LOC400499: variants seen among roughly 807,000 people sequenced by gnomAD.
the LOC400499 span, among the ~76,000 whole-genome samples, chr16:11,466,909 C>T: frequency 1.4e-5 from 2 of 141,896 alleles, no homozygotes; most frequent in African/African-American, 2.5e-5. Context: ...GGTGTACGTA[C>T]GTATATGTGT....
the LOC400499 span, among the ~76,000 whole-genome samples, chr16:11,397,292 T>A: frequency 6.6e-6 from 1 of 152,182 alleles, no homozygotes; most frequent in African/African-American, 2.4e-5. Flanking sequence ...CTTTTTATTT[T>A]GAGACAGAGT....
At chr16:11,383,823 G>A in the LOC400499 span, 64 of 1,232,320 alleles carry the variant, frequency 5.2e-5, no homozygotes, top group African/African-American at 8.1e-4. Flanking sequence ...ACACCCTGAG[G>A]AGGGACCTAA....
the LOC400499 span, among the ~76,000 whole-genome samples, chr16:11,389,178 GC>G: frequency 6.6e-6 from 1 of 152,174 alleles, no homozygotes; most frequent in Non-Finnish European, 1.5e-5. Context: ...TGGCCCCGTG[GC>G]TCTTGCTGAA....
At chr16:11,399,728 C>T in the LOC400499 span, 5 of 398,714 alleles carry the variant, frequency 1.3e-5, no homozygotes, top group Admixed American at 4.4e-5. Flanking sequence ...GCCAGGCAGC[C>T]GTCCCAGGCG....
At chr16:11,385,368 C>A in the LOC400499 span, 1 of 1,232,286 alleles carries the variant, frequency 8.1e-7, no homozygotes, top group Non-Finnish European at 1.0e-6. Context: ...GTCCCATACC[C>A]GGCCGTCGAA....
At chr16:11,380,406 C>G in the LOC400499 span, among the ~76,000 whole-genome samples, 1 of 152,038 alleles carries the variant, frequency 6.6e-6, no homozygotes, top group Admixed American at 6.6e-5. Flanking sequence ...ATGGTGAAAC[C>G]TCGTCTCTAC....
At chr16:11,424,554 G>A in the LOC400499 span, among the ~76,000 whole-genome samples, 1 of 152,216 alleles carries the variant, frequency 6.6e-6, no homozygotes, top group Non-Finnish European at 1.5e-5. Context: ...CACAGAAATG[G>A]CGATTTCATC....
At chr16:11,460,356 C>G in the LOC400499 span, 2 of 1,218,922 alleles carry the variant, frequency 1.6e-6, no homozygotes, top group African/African-American at 3.1e-5. Context: ...GGATCCATTC[C>G]CATATGGCTA....
chr16:11,502,807 G>C, the LOC400499 span, among the ~76,000 whole-genome samples: 2 of 151,076 alleles, frequency 1.3e-5, no homozygotes, highest in African/African-American at 2.4e-5. Context: ...GTAGAGAAGA[G>C]GTTTCACCAT....
chr16:11,391,658 A>C, the LOC400499 span: 1 of 1,232,046 alleles, frequency 8.1e-7, no homozygotes, highest in Non-Finnish European at 1.0e-6. Flanking sequence ...TCCCCCTCCC[A>C]CACTTACATT....
chr16:11,450,629 C>T, the LOC400499 span: 162 of 1,535,866 alleles, frequency 1.1e-4, no homozygotes, highest in Non-Finnish European at 1.3e-4. Flanking sequence ...GTGGTAGCTG[C>T]GGTGTAAACC....
chr16:11,394,181 G>A, the LOC400499 span, among the ~76,000 whole-genome samples: 2 of 152,230 alleles, frequency 1.3e-5, no homozygotes, highest in African/African-American at 4.8e-5. Flanking sequence ...TAAGCAAGGA[G>A]ACACGGGCAC....
chr16:11,505,647 T>C, the LOC400499 span, among the ~76,000 whole-genome samples: 1 of 151,892 alleles, frequency 6.6e-6, no homozygotes, highest in Admixed American at 6.6e-5. Flanking sequence ...GCTCTCTCCC[T>C]GTGTTGCCCA....
the LOC400499 span, chr16:11,411,231 C>G: frequency 2.5e-6 from 1 of 399,298 alleles, no homozygotes; most frequent in East Asian, 3.6e-5. Context: ...AGCCAGGCAG[C>G]TGGGGCACAG....
chr16:11,510,851 C>A, the LOC400499 span, among the ~76,000 whole-genome samples: 2 of 151,746 alleles, frequency 1.3e-5, no homozygotes, highest in African/African-American at 2.4e-5. Context: ...CCAGGGCCAT[C>A]TGAGCCCAGC....
chr16:11,493,496 G>C, the LOC400499 span: 1 of 388,856 alleles, frequency 2.6e-6, no homozygotes, highest in Non-Finnish European at 4.5e-6. Context: ...CTTAGACCTG[G>C]ATACCTGTTC....
At chr16:11,464,771 G>GCAAACATT in the LOC400499 span, among the ~76,000 whole-genome samples, 1 of 152,198 alleles carries the variant, frequency 6.6e-6, no homozygotes, top group African/African-American at 2.4e-5. Context: ...TTCTCCAAAG[G>GCAAACATT]CAAACATTTC....
At chr16:11,420,912 G>C in the LOC400499 span, among the ~76,000 whole-genome samples, 4 of 152,228 alleles carry the variant, frequency 2.6e-5, no homozygotes, top group Non-Finnish European at 4.4e-5. Context: ...AGGAGGTCCA[G>C]GTCTGCTGGG....
At chr16:11,419,548 C>T in the LOC400499 span, among the ~76,000 whole-genome samples, 2 of 152,270 alleles carry the variant, frequency 1.3e-5, no homozygotes, top group African/African-American at 2.4e-5. Flanking sequence ...TGGGCAAGGA[C>T]TTCATGTCTA....
Sources: gnomAD v4.1 joint callset for allele counts (sites outside exome capture counted in the v4.1 genomes callset) on GRCh38, gnomAD v4.1.1 for gene constraint, MANE v1.5 for transcripts.